GKAP1: variants seen among roughly 807,000 people sequenced by gnomAD.
GKAP1 encodes G kinase anchoring protein 1.
GKAP1 carries 31 observed loss-of-function variants against 56.7 expected under a neutral mutation model. The ratio of observed to expected loss-of-function variants is 0.55; its 90% confidence interval spans 0.41 to 0.74. The LOEUF (loss-of-function observed/expected upper bound fraction) is 0.74. Among genes scored for constraint, GKAP1 ranks in the 30% least tolerant of loss-of-function variants. GKAP1 has a pLI of 0.00. For missense variants in GKAP1, 364 were observed against 402.3 expected (o/e 0.90, Z 0.82); for synonymous variants, 151 against 138.6 (o/e 1.09, Z -0.63).
chr9:83,741,912 T>A, intron 12 of GKAP1, 40 bp downstream of exon 12: 1 of 1,246,496 alleles, frequency 8.0e-7, no homozygotes, highest in South Asian at 1.3e-5. Context: ...TCCAAATGTA[T>A]TATTTGTGAT....
chr9:83,779,508 TGTGTATATATATACAC>T (rs1425641096), intron 7 of GKAP1, among the ~76,000 whole-genome samples: 6 of 129,134 alleles, frequency 4.6e-5, no homozygotes, highest in Non-Finnish European at 9.7e-5. Context: ...TACACATATA[TGTGTATATATATACAC>T]GTGTATATGT....
At chr9:83,744,048 T>C (rs1217573667) in intron 10 of GKAP1, among the ~76,000 whole-genome samples, 1 of 152,156 alleles carries the variant, frequency 6.6e-6, no homozygotes, top group African/African-American at 2.4e-5. Context: ...CAAATTCATT[T>C]TCATAGTTTA....
chr9:83,806,270 G>A, intron 3 of GKAP1, 32 bp downstream of exon 3: 3 of 1,388,958 alleles, frequency 2.2e-6, no homozygotes, highest in Non-Finnish European at 3.0e-6. Flanking sequence ...ACCATCTACT[G>A]GGAAAGCAGA....
At chr9:83,743,259 A>G (rs896455132) in intron 10 of GKAP1, among the ~76,000 whole-genome samples, 4 of 152,172 alleles carry the variant, frequency 2.6e-5, no homozygotes, top group African/African-American at 9.7e-5. Flanking sequence ...ACAAAATTTC[A>G]CATATGGAAA....
chr9:83,767,829 G>C (rs1943690047), intron 8 of GKAP1, among the ~76,000 whole-genome samples: 1 of 152,082 alleles, frequency 6.6e-6, no homozygotes, highest in African/African-American at 2.4e-5. Flanking sequence ...TGAGATTATA[G>C]GCATGTGCCA....
chr9:83,795,853 C>G (rs758747153), intron 4 of GKAP1, among the ~76,000 whole-genome samples: 1 of 151,992 alleles, frequency 6.6e-6, no homozygotes, highest in Non-Finnish European at 1.5e-5. Flanking sequence ...TGCACTGGGC[C>G]TAAGTGTGTT....
chr9:83,748,398 G>T lies in GKAP1; in HGVS notation c.841-26C>A, dbSNP rs200525497. The T allele has an allele frequency of 4.6e-5, 63 of 1,363,736 alleles. 1 individual carries two copies. The highest frequency in any genetic ancestry group is 3.7e-4 in the Middle Eastern group (2 of 5,402). The allele number at this position is 1,363,736 out of a possible 1,614,324, so 84.5% of individuals were successfully genotyped here. A position where few individuals can be genotyped will look rare whatever the true frequency, so the allele number is the denominator to read the frequency against. On this transcript the variant is annotated intron_variant, in intron 9 of 12. Coordinates refer to ENST00000376371, the MANE Select transcript of GKAP1 (RefSeq NM_025211.4). Reference sequence around the variant, plus strand: ...CTAATAGTCAAAGAAAAAAGATTTAGTTTTTTTAAAAGTAAGTGATATAAT... The same window carrying T: ...CTAATAGTCAAAGAAAAAAGATTTATTTTTTTTAAAAGTAAGTGATATAAT...
At chr9:83,760,411 A>G (rs1052838790) in intron 8 of GKAP1, among the ~76,000 whole-genome samples, 3 of 152,276 alleles carry the variant, frequency 2.0e-5, no homozygotes, top group Admixed American at 6.5e-5. Flanking sequence ...CCCCAATACA[A>G]TAATAGCTGG....
intron 2 of GKAP1, among the ~76,000 whole-genome samples, chr9:83,810,404 C>T (rs1464789781): frequency 2.6e-5 from 4 of 152,176 alleles, no homozygotes; most frequent in Admixed American, 2.6e-4. Flanking sequence ...ATTAGAAACC[C>T]TGAAAAGAGT....
intron 7 of GKAP1, among the ~76,000 whole-genome samples, chr9:83,771,641 T>C (rs147242153): frequency 0.012 from 1,863 of 152,284 alleles, 22 homozygotes; most frequent in Non-Finnish European, 0.016. Context: ...GCAAGTATTA[T>C]TTCCCCCCCA....
chr9:83,756,129 T>C (rs1943471143), intron 8 of GKAP1, among the ~76,000 whole-genome samples: 1 of 152,072 alleles, frequency 6.6e-6, no homozygotes, highest in Non-Finnish European at 1.5e-5. Context: ...AAAAAATTTT[T>C]TTTTCTTAGT....
intron 8 of GKAP1, among the ~76,000 whole-genome samples, chr9:83,754,052 A>T (rs529137446): frequency 6.6e-6 from 1 of 152,346 alleles, no homozygotes; most frequent in East Asian, 1.9e-4. Context: ...TGATGAAGAA[A>T]GATTTGTCTA....
chr9:83,751,815 T>C lies in GKAP1; in HGVS notation c.840+1443A>G, dbSNP rs192051803. Among the ~76,000 whole-genome samples, 348 of 151,584 alleles carry C rather than the reference T, an allele frequency of 2.3e-3. 2 individuals carry two copies. The highest frequency in any genetic ancestry group is 3.4e-3 in the Middle Eastern group (1 of 292). On this transcript the variant is annotated intron_variant, in intron 9 of 12. Transcript: ENST00000376371. The stretch of plus-strand genomic sequence containing the variant: ...AAGATTTGTAGTTAAAAATACATTG[T>C]ATACATCACAAGTGCTGGAAAGGAT...
rs549787484 is a variant in GKAP1 at position 83,814,932 on chromosome 9, G to A, written c.-44+2064C>T. 1.8e-4 allele frequency among the ~76,000 whole-genome samples: 28 copies of A among 152,328 alleles called. No homozygotes were observed. In the East Asian group the frequency reaches 5.4e-3, roughly 30 times the overall value. ...CTCACGCCTGTAATCCCAGCACTTTGGGAGGCCAAGGCGGGTGGATCACAA... is the reference window on the plus strand; with the variant it reads ...CTCACGCCTGTAATCCCAGCACTTTAGGAGGCCAAGGCGGGTGGATCACAA... On this transcript the variant is annotated intron_variant, in intron 2 of 12. Transcript: ENST00000376371.
chr9:83,794,320 A>T (rs1177196987), intron 4 of GKAP1, among the ~76,000 whole-genome samples: 1 of 152,222 alleles, frequency 6.6e-6, no homozygotes. Flanking sequence ...TTCCAGCATA[A>T]AAGTGATTAA....
chr9:83,814,948 T>C (rs1258953666), intron 2 of GKAP1, among the ~76,000 whole-genome samples: 16 of 151,186 alleles, frequency 1.1e-4, no homozygotes, highest in Non-Finnish European at 7.4e-5. Flanking sequence ...CCAAGGCGGG[T>C]GGATCACAAG....
intron 8 of GKAP1, among the ~76,000 whole-genome samples, chr9:83,762,312 A>T (rs1943587144): frequency 1.3e-5 from 2 of 152,144 alleles, no homozygotes; most frequent in South Asian, 4.1e-4. Flanking sequence ...TCCCATTTAC[A>T]ATAGCCATAA....
intron 7 of GKAP1, among the ~76,000 whole-genome samples, chr9:83,773,282 A>G (rs1943793727): frequency 1.3e-5 from 2 of 152,216 alleles, no homozygotes; most frequent in South Asian, 4.1e-4. Flanking sequence ...CAAAGACTAT[A>G]CATTCTATGA....
At chr9:83,798,547 C>T (rs190637189) in intron 4 of GKAP1, among the ~76,000 whole-genome samples, 122 of 152,258 alleles carry the variant, frequency 8.0e-4, no homozygotes, top group Non-Finnish European at 1.4e-3. Context: ...GACAGGGTCT[C>T]ACTCTGCTGC....
Sources: allele counts gnomAD v4.1 joint callset (sites outside exome capture counted in the v4.1 genomes callset), GRCh38; gene constraint gnomAD v4.1.1; transcripts MANE v1.5; gene names NCBI Gene and HGNC (gene_info 2026-07-23, HGNC 2026-07-21).